PAPPA: variants seen among roughly 807,000 people sequenced by gnomAD.
PAPPA encodes pappalysin 1.
PAPPA carries 60 observed loss-of-function variants against 164.0 expected under a neutral mutation model. The ratio of observed to expected loss-of-function variants is 0.37; its 90% CI spans 0.30 to 0.45. PAPPA has a LOEUF of 0.45. Ranked by LOEUF, PAPPA falls within the 20% of genes least tolerant of loss-of-function variation. The probability of loss-of-function intolerance (pLI) is 1.00; values close to 1 mark genes in which losing one functional copy is unlikely to be tolerated. For missense variants in PAPPA, 1,782 were observed against 2,087.3 expected (o/e 0.85, Z 2.85); for synonymous variants, 875 against 814.1 (o/e 1.07, Z -1.27).
chr9:116,175,209 C>A (rs890883863), intron 1 of PAPPA, among the ~76,000 whole-genome samples: 15 of 152,158 alleles, frequency 9.9e-5, no homozygotes, highest in African/African-American at 3.6e-4. Flanking sequence ...GTAACAAGGA[C>A]CGCCACTCTT....
chr9:116,384,972 G>A (rs1846787655), intron 21 of PAPPA, among the ~76,000 whole-genome samples: 1 of 152,116 alleles, frequency 6.6e-6, no homozygotes, highest in African/African-American at 2.4e-5. Context: ...TTTTTTGACA[G>A]AGAACTTTCC....
chr9:116,364,201 T>C (rs1204723542), intron 18 of PAPPA, among the ~76,000 whole-genome samples: 1 of 152,226 alleles, frequency 6.6e-6, no homozygotes, highest in Non-Finnish European at 1.5e-5. Context: ...AACAAGTATG[T>C]CTGTGATGGG....
intron 19 of PAPPA, among the ~76,000 whole-genome samples, chr9:116,374,801 T>C (rs1846628036): frequency 1.3e-5 from 2 of 152,342 alleles, no homozygotes; most frequent in Non-Finnish European, 2.9e-5. Context: ...GAACAGACTC[T>C]CATACTGAGA....
At chr9:116,388,281 G>A (rs981539401) in intron 21 of PAPPA, among the ~76,000 whole-genome samples, 2 of 152,294 alleles carry the variant, frequency 1.3e-5, no homozygotes, top group African/African-American at 2.4e-5. Context: ...TTATTTTCCT[G>A]TTGGAGCCTT....
intron 9 of PAPPA, among the ~76,000 whole-genome samples, chr9:116,273,561 G>T (rs554309133): frequency 1.3e-5 from 2 of 152,108 alleles, no homozygotes; most frequent in South Asian, 4.1e-4. Context: ...GCAGAGAGTA[G>T]GTGAAAATTA....
chr9:116,308,471 G>C (rs890462164), intron 10 of PAPPA, among the ~76,000 whole-genome samples: 1 of 152,208 alleles, frequency 6.6e-6, no homozygotes, highest in Non-Finnish European at 1.5e-5. Flanking sequence ...AGGAATCACT[G>C]TTTTCATTTT....
intron 2 of PAPPA, among the ~76,000 whole-genome samples, chr9:116,192,236 T>C (rs1844051932): frequency 1.3e-5 from 2 of 152,078 alleles, no homozygotes; most frequent in African/African-American, 4.8e-5. Flanking sequence ...GGAGTGGACC[T>C]GCATTAGCAA....
rs144271920 is a variant in PAPPA at position 116,158,054 on chromosome 9, C to T, written c.415+3467C>T. 3.2e-3 allele frequency among the ~76,000 whole-genome samples: 482 copies of T among 152,332 alleles called. 4 individuals are homozygous for T. Among genetic ancestry groups the T allele is most frequent in the Middle Eastern group, 0.027 (8 of 294 alleles). On this transcript the variant is annotated intron_variant, in intron 1 of 21. Transcript: ENST00000328252. ...CACAAGTACTGCCCTCCTCCCACCC[C>T]TGTCCCACTCCCCTTGCCTTAGTGA...
chr9:116,169,445 G>C lies in PAPPA; in HGVS notation c.415+14858G>C, dbSNP rs554891788. Among the ~76,000 whole-genome samples the C allele has an allele frequency of 1.2e-4, 17 of 147,114 alleles. No homozygotes were observed. In the East Asian group the frequency reaches 3.3e-3, roughly 28 times the overall value. ...AGCAATTCTCCTGCCTCAGCCTCCCGAGTAGCTGGCATTACAGGCACCTGC... is the reference window on the plus strand; with the variant it reads ...AGCAATTCTCCTGCCTCAGCCTCCCCAGTAGCTGGCATTACAGGCACCTGC... On this transcript the variant is annotated intron_variant, in intron 1 of 21. Coordinates refer to ENST00000328252, the MANE Select transcript of PAPPA (RefSeq NM_002581.5).
At chr9:116,196,583 T>C (rs573957528) in intron 2 of PAPPA, among the ~76,000 whole-genome samples, 1 of 152,322 alleles carries the variant, frequency 6.6e-6, no homozygotes, top group East Asian at 1.9e-4. Context: ...TGCTGGGCAG[T>C]TTTCCACCTC....
chr9:116,212,962 T>C (rs928542089), intron 4 of PAPPA, among the ~76,000 whole-genome samples: 5 of 152,330 alleles, frequency 3.3e-5, no homozygotes, highest in African/African-American at 1.2e-4. Context: ...TGAAGCTCAC[T>C]GAAATCATTT....
At chr9:116,172,443 G>A (rs1443217763) in intron 1 of PAPPA, among the ~76,000 whole-genome samples, 1 of 152,066 alleles carries the variant, frequency 6.6e-6, no homozygotes, top group Non-Finnish European at 1.5e-5. Flanking sequence ...AGCATCCCTG[G>A]CCTCTATGTA....
chr9:116,332,664 A>G, intron 12 of PAPPA, 196 bp downstream of exon 12: 3 of 528,304 alleles, frequency 5.7e-6, no homozygotes, highest in Non-Finnish European at 1.0e-5. Flanking sequence ...TCTGGCAGAT[A>G]CAGGGATAAG....
At chr9:116,240,469 G>A (rs1038316537) in intron 7 of PAPPA, among the ~76,000 whole-genome samples, 1 of 152,134 alleles carries the variant, frequency 6.6e-6, no homozygotes, top group Non-Finnish European at 1.5e-5. Flanking sequence ...TTCCAAGCAC[G>A]TAGAACAATT....
In PAPPA at chr9:116,153,907, T is replaced by G; in HGVS notation, c.-266T>G. 8 of 215,242 alleles carry G rather than the reference T, an allele frequency of 3.7e-5. No homozygotes were observed. The highest frequency in any genetic ancestry group is 1.2e-4 in the East Asian group (1 of 8,146). 13.3% of individuals were successfully genotyped at this position (215,242 alleles called of 1,614,324 possible). ...AAACAAGGAGGAAGGCAACCAGCTG[T>G]TAGGGGAAAAATAAGGCAGATAAAG... On this transcript the variant is annotated 5_prime_UTR_variant, in exon 1 of 22. Coordinates refer to ENST00000328252, the MANE Select transcript of PAPPA (RefSeq NM_002581.5).
At position 116,367,706 on chromosome 9, in the gene PAPPA, C is replaced by T. The variant is rs374215967; in HGVS notation, c.4557C>T (p.Asn1519=). ...GCGAGTCCATCATCCTGCCAATGAA[C>T]GTGACCGTGCGTGACATCCCCCACT... is the stretch of plus-strand genomic sequence containing the variant. ...HNSESIILPM[N]VTVRDIPHWL... is the part of the protein sequence containing the mutation. The change falls in exon 19 of 22, where the codon AAC becomes AAT. Residue 1519 remains asparagine (N), a synonymous_variant. Transcript: ENST00000328252. The T allele has an allele frequency of 5.3e-5, 85 of 1,613,866 alleles. No individual in the cohort carries two copies. The African/African-American group carries it at 7.2e-4, about 14-fold the overall frequency.
intron 6 of PAPPA, among the ~76,000 whole-genome samples, chr9:116,231,891 A>C (rs1328526251): frequency 1.3e-5 from 2 of 150,776 alleles, no homozygotes; most frequent in African/African-American, 2.4e-5. Context: ...CCTCCTGAGC[A>C]GCTGGGGTTA....
chr9:116,338,059 G>A (rs971862213), intron 13 of PAPPA, among the ~76,000 whole-genome samples: 2 of 152,162 alleles, frequency 1.3e-5, no homozygotes, highest in Non-Finnish European at 2.9e-5. Context: ...TGGTGATATT[G>A]AGGCTCCAGT....
intron 19 of PAPPA, among the ~76,000 whole-genome samples, chr9:116,371,811 C>T (rs1564245651): frequency 6.6e-6 from 1 of 152,146 alleles, no homozygotes; most frequent in Non-Finnish European, 1.5e-5. Context: ...CTGTCCAAAT[C>T]TTCAGGGAGT....
Sources: allele counts gnomAD v4.1 joint callset (sites outside exome capture counted in the v4.1 genomes callset), GRCh38; gene constraint gnomAD v4.1.1; transcripts MANE v1.5; gene names NCBI Gene and HGNC (gene_info 2026-07-23, HGNC 2026-07-21).